The following TULP4 variants were observed in gnomAD, a reference collection of about 807,000 sequenced individuals.
TULP4 encodes the protein TUB like protein 4.
A neutral mutation model predicts 129.0 loss-of-function variants in TULP4; 16 were observed. The ratio of observed to expected loss-of-function variants is 0.12; its 90% CI spans 0.08 to 0.19. TULP4 has a LOEUF of 0.19. Among genes scored for constraint, TULP4 ranks in the 10% least tolerant of loss-of-function variants. TULP4 has a pLI of 1.00. For missense variants in TULP4, 1,842 were observed against 2,059.1 expected, an observed-to-expected ratio of 0.89 and a Z score of 2.04; for synonymous variants, 998 against 854.0, an observed-to-expected ratio of 1.17 and a Z score of -2.94.
At position 158,506,599 on chromosome 6, in the gene TULP4, G is replaced by T; in HGVS notation, c.4537G>T (p.Asp1513Tyr). Reference sequence around the variant, plus strand: ...CCAGGTGATGCAGTTTGGACGGATTGATGGCAGTGCGTACATTCTAGACTT... The same window carrying T: ...CCAGGTGATGCAGTTTGGACGGATTTATGGCAGTGCGTACATTCTAGACTT... ...GRQVMQFGRI[D>Y]GSAYILDFQY... is the part of the protein sequence containing the mutation. Residue 1513 changes from aspartate to tyrosine, a missense_variant, in exon 14 of 14, where the codon GAT becomes TAT. Asp to Tyr is a radical substitution (Grantham distance 160). Transcript: ENST00000367097. 6.2e-7 allele frequency: 1 copy of T among 1,613,440 alleles called. No homozygotes were observed. The highest frequency in any genetic ancestry group is 8.5e-7 in the Non-Finnish European group (1 of 1,179,350).
chr6:158,271,966 A>G (rs936904137), intron 1 of TULP4, among the ~76,000 whole-genome samples: 29 of 152,224 alleles, frequency 1.9e-4, no homozygotes, highest in African/African-American at 6.3e-4. Flanking sequence ...TGGAGGGTTT[A>G]AAAGTATTTG....
chr6:158,462,988 A>G (rs1016044865), intron 6 of TULP4, among the ~76,000 whole-genome samples: 8 of 151,050 alleles, frequency 5.3e-5, no homozygotes, highest in African/African-American at 9.7e-5. Context: ...TCCCGACCTC[A>G]GGTGATCCAC....
At chr6:158,348,765 T>C (rs1362266503) in intron 1 of TULP4, among the ~76,000 whole-genome samples, 155 of 89,412 alleles carry the variant, frequency 1.7e-3, no homozygotes, top group Middle Eastern at 6.5e-3. Context: ...ATGGGGCAGC[T>C]GGGCAGAGGC....
intron 1 of TULP4, chr6:158,242,066 G>A (rs1562491846): frequency 2.5e-6 from 2 of 798,010 alleles, no homozygotes; most frequent in Non-Finnish European, 4.6e-6. Flanking sequence ...GGTTTTAGTA[G>A]TAGTATTTGA....
intron 1 of TULP4, among the ~76,000 whole-genome samples, chr6:158,379,895 A>G (rs1181897230): frequency 6.6e-6 from 1 of 152,192 alleles, no homozygotes; most frequent in Non-Finnish European, 1.5e-5. Context: ...GGGAGGAGAT[A>G]CAGGCTGAAG....
At chr6:158,315,313 G>C (rs555528829) in intron 1 of TULP4, among the ~76,000 whole-genome samples, 5 of 152,112 alleles carry the variant, frequency 3.3e-5, no homozygotes, top group Non-Finnish European at 7.3e-5. Flanking sequence ...GAAAGAGGAT[G>C]AGAGTGTCTC....
chr6:158,498,864 A>G (rs1248876603), intron 12 of TULP4, 52 bp downstream of exon 12: 1 of 1,602,330 alleles, frequency 6.2e-7, no homozygotes, highest in East Asian at 2.2e-5. Context: ...TCAGTAGATC[A>G]TGCAAGGGGG....
intron 1 of TULP4, among the ~76,000 whole-genome samples, chr6:158,360,414 T>C (rs1249025274): frequency 6.6e-6 from 1 of 152,196 alleles, no homozygotes; most frequent in Non-Finnish European, 1.5e-5. Flanking sequence ...TGTCAGTGTC[T>C]GCCCAAGAGG....
At chr6:158,412,886 G>C (rs542344966) in intron 1 of TULP4, among the ~76,000 whole-genome samples, 179 bp from the exon 2 acceptor site, 1 of 152,232 alleles carries the variant, frequency 6.6e-6, no homozygotes, top group South Asian at 2.1e-4. Context: ...AGTGGGGCTG[G>C]TTCCCTGTGG....
At chr6:158,348,683 G>A (rs1250561341) in intron 1 of TULP4, among the ~76,000 whole-genome samples, 4 of 152,018 alleles carry the variant, frequency 2.6e-5, no homozygotes, top group African/African-American at 4.8e-5. Flanking sequence ...CTCGATGGTC[G>A]CTGTCTCTTC....
At chr6:158,309,054 C>T (rs1224881011), upstream of TULP4, among the ~76,000 whole-genome samples, 268 of 135,038 alleles carry the variant, frequency 2.0e-3, no homozygotes, top group Admixed American at 3.6e-3. Context: ...CCCTCCCGGA[C>T]GGGGTGGCTG....
At chr6:158,451,144 T>C (rs913274879) in intron 4 of TULP4, among the ~76,000 whole-genome samples, 1 of 151,898 alleles carries the variant, frequency 6.6e-6, no homozygotes, top group Non-Finnish European at 1.5e-5. Flanking sequence ...ATAAAGCAAG[T>C]CCAGAGTAAA....
At chr6:158,467,280 T>C (rs1198772941) in intron 6 of TULP4, among the ~76,000 whole-genome samples, 4 of 52,948 alleles carry the variant, frequency 7.6e-5, no homozygotes, top group Non-Finnish European at 1.3e-4. Flanking sequence ...TCCCTTTCTT[T>C]TTTTTTTTTT....
Position 158,303,066 on chromosome 6 carries a change from T to C in TULP4, n.117-8985T>C, listed in dbSNP as rs930050166. ...GTATCTAGTAGGCCCTTAAACTTTT[T>C]TCCTTGAATGTGTATGGTGCAGGTG... On this transcript the variant is annotated intron_variant and non_coding_transcript_variant, in intron 1 of 1. Transcript: ENST00000432358. Among the ~76,000 whole-genome samples the C allele has an allele frequency of 2.0e-5, 3 of 148,384 alleles. No homozygotes were observed. In the East Asian group the frequency reaches 5.9e-4, roughly 29 times the overall value.
At chr6:158,272,979 C>T (rs184669574) in intron 1 of TULP4, among the ~76,000 whole-genome samples, 12 of 152,222 alleles carry the variant, frequency 7.9e-5, no homozygotes, top group South Asian at 2.1e-4. Context: ...GAATCTGGTC[C>T]GATCTTGTCA....
At position 158,479,762 on chromosome 6, in the gene TULP4, C is replaced by T; in HGVS notation, c.1038C>T (p.Ile346=). Reference sequence around the variant, plus strand: ...TCACTTCCTGCCAGCGCCCCATCATCTCCATCTGCTGGGGTCACCGGGATT... The same window carrying T: ...TCACTTCCTGCCAGCGCCCCATCATTTCCATCTGCTGGGGTCACCGGGATT... ...TLDTLVQRPI[I]SICWGHRDSR... is the part of the protein sequence containing the mutation. Residue 346 remains isoleucine, a synonymous_variant, in exon 7 of 14, where the codon ATC becomes ATT. Transcript: ENST00000367097. 1 of 1,613,440 alleles carries T rather than the reference C, an allele frequency of 6.2e-7. No individual in the cohort carries two copies. The highest frequency in any genetic ancestry group is 1.1e-5 in the South Asian group (1 of 91,064).
upstream of TULP4, among the ~76,000 whole-genome samples, chr6:158,309,689 G>A (rs995158862): frequency 8.5e-5 from 13 of 152,124 alleles, no homozygotes; most frequent in Non-Finnish European, 1.9e-4. Flanking sequence ...AGGAGCTGGA[G>A]ACCAGCCTGG....
chr6:158,486,423 GGT>G (rs1239138694), intron 8 of TULP4, among the ~76,000 whole-genome samples: 14 of 152,162 alleles, frequency 9.2e-5, no homozygotes, highest in East Asian at 3.9e-4. Flanking sequence ...CGTGGTGGCG[GGT>G]GCATGTAGTC....
chr6:158,481,405 A>G (rs1014141170), intron 8 of TULP4, 116 bp downstream of exon 8: 1 of 889,900 alleles, frequency 1.1e-6, no homozygotes, highest in East Asian at 2.7e-5. Context: ...TGTGGGGGCT[A>G]GTGTGGAACA....
Sources: gnomAD v4.1 joint callset for allele counts (sites outside exome capture counted in the v4.1 genomes callset) on GRCh38, gnomAD v4.1.1 for gene constraint, MANE v1.5 for transcripts, NCBI Gene and HGNC (gene_info 2026-07-23, HGNC 2026-07-21) for gene names.